ACSS3: variants seen among roughly 807,000 people sequenced by gnomAD.
The protein encoded by ACSS3 is acyl-CoA synthetase short chain family member 3, also known as acyl-CoA synthetase short-chain family member 3, mitochondrial.
Under a neutral mutation model 84.2 loss-of-function variants are expected in ACSS3, and 64 were observed. The ratio of observed to expected loss-of-function variants is 0.76; its 90% CI spans 0.62 to 0.94. The LOEUF is 0.94. Among genes scored for constraint, ACSS3 ranks in the 40% least tolerant of loss-of-function variants. ACSS3 has a pLI of 0.00. For missense variants in ACSS3, 815 were observed against 867.6 expected (o/e 0.94, Z 0.76); for synonymous variants, 317 against 310.1 (o/e 1.02, Z -0.23).
intron 8 of ACSS3, among the ~76,000 whole-genome samples, chr12:81,188,389 A>G (rs2031388997): frequency 6.6e-6 from 1 of 152,082 alleles, no homozygotes; most frequent in Admixed American, 6.6e-5. Flanking sequence ...TATACAGAAA[A>G]GAACATAAAT....
In ACSS3 at chr12:81,239,323, T is replaced by A. The variant is rs543408385; in HGVS notation, c.1719+5852T>A. On this transcript the variant is annotated intron_variant, in intron 13 of 15. Coordinates refer to ENST00000548058, the MANE Select transcript of ACSS3 (RefSeq NM_024560.4). The stretch of plus-strand genomic sequence containing the variant: ...ATTTAAGTTTGAAAAAAATGTGTAA[T>A]CTTCATTCAACAATTTCATTCAGAG... 1.5e-3 allele frequency among the ~76,000 whole-genome samples: 232 copies of A among 152,062 alleles called. 1 individual carries two copies. The highest frequency in any genetic ancestry group is 5.2e-3 in the African/African-American group (216 of 41,526).
At chr12:81,094,139 A>G (rs1287179332) in intron 1 of ACSS3, among the ~76,000 whole-genome samples, 1 of 146,156 alleles carries the variant, frequency 6.8e-6, no homozygotes, top group African/African-American at 2.6e-5. Context: ...TTGGCATTCC[A>G]AGGATATATT....
At chr12:81,093,883 G>C (rs1362445985) in intron 1 of ACSS3, among the ~76,000 whole-genome samples, 1 of 151,848 alleles carries the variant, frequency 6.6e-6, no homozygotes, top group African/African-American at 2.4e-5. Context: ...TGACTCCCTG[G>C]ATCTCTATTT....
At chr12:81,180,608 C>T (rs1235842574) in intron 8 of ACSS3, among the ~76,000 whole-genome samples, 2 of 152,090 alleles carry the variant, frequency 1.3e-5, no homozygotes, top group African/African-American at 2.4e-5. Flanking sequence ...ATTTGCCTCC[C>T]AGGTTCAAGC....
intron 7 of ACSS3, among the ~76,000 whole-genome samples, chr12:81,167,899 G>A (rs146488802): frequency 3.8e-4 from 58 of 152,236 alleles, no homozygotes; most frequent in African/African-American, 1.4e-3. Context: ...ATTGAAGAAA[G>A]GAAATGACTC....
Position 81,174,864 on chromosome 12 carries a change from C to T in ACSS3, c.1175C>T (p.Thr392Ile), listed in dbSNP as rs1156295429. 6.2e-7 allele frequency: 1 copy of T among 1,613,962 alleles called. No individual in the cohort carries two copies. Among genetic ancestry groups the T allele is most frequent in the African/African-American group, 1.3e-5 (1 of 75,034 alleles). ...GAGCATGGAGTAGCTGCCTTGTTTA[C>T]AGCACCAACTGCAATTAGAGCAATC... Reference protein sequence around the residue: ...LAEHGVAALFTAPTAIRAIRQ... With the variant: ...LAEHGVAALFIAPTAIRAIRQ... The change falls in exon 8 of 16, where the codon ACA becomes ATA. Residue 392 changes from threonine (T) to isoleucine (I), a missense_variant. Thr to Ile is a moderately conservative substitution (Grantham distance 89, BLOSUM62 -1). Coordinates refer to ENST00000548058, the MANE Select transcript of ACSS3 (RefSeq NM_024560.4).
chr12:81,131,405 C>A (rs1036137536), intron 2 of ACSS3, among the ~76,000 whole-genome samples: 4 of 152,066 alleles, frequency 2.6e-5, no homozygotes, highest in African/African-American at 9.7e-5. Flanking sequence ...AATGGGAATT[C>A]GCTCATGATT....
chr12:81,201,481 G>T (rs556698767), intron 9 of ACSS3, among the ~76,000 whole-genome samples: 1 of 152,174 alleles, frequency 6.6e-6, no homozygotes, highest in African/African-American at 2.4e-5. Flanking sequence ...AATAGCCTGT[G>T]TGGGTTTATG....
chr12:81,205,505 G>A (rs1345105484), intron 9 of ACSS3, among the ~76,000 whole-genome samples: 6 of 152,068 alleles, frequency 3.9e-5, no homozygotes, highest in Non-Finnish European at 7.4e-5. Context: ...ATTACTAAGA[G>A]TTTGATAACA....
intron 8 of ACSS3, among the ~76,000 whole-genome samples, chr12:81,192,687 C>A (rs1402349833): frequency 2.6e-5 from 4 of 152,190 alleles, no homozygotes; most frequent in East Asian, 3.9e-4. Context: ...TTTTCCTTTC[C>A]CAAGAAATTA....
At chr12:81,171,431 A>T (rs983396981) in intron 7 of ACSS3, among the ~76,000 whole-genome samples, 2 of 152,260 alleles carry the variant, frequency 1.3e-5, no homozygotes, top group African/African-American at 2.4e-5. Flanking sequence ...TAAAGTATAT[A>T]AATATTAAGT....
intron 7 of ACSS3, among the ~76,000 whole-genome samples, chr12:81,153,462 C>T (rs1024880044): frequency 6.7e-6 from 1 of 149,710 alleles, no homozygotes; most frequent in Non-Finnish European, 1.5e-5. Flanking sequence ...ACAAATAATA[C>T]ACTTAAAGTG....
intron 5 of ACSS3, among the ~76,000 whole-genome samples, chr12:81,149,269 G>A (rs951588982): frequency 6.6e-6 from 1 of 152,030 alleles, no homozygotes; most frequent in Admixed American, 6.6e-5. Flanking sequence ...ATAATGGTTT[G>A]TTTTCTGGAG....
chr12:81,241,374 T>C (rs2033797603), intron 13 of ACSS3, among the ~76,000 whole-genome samples: 5 of 152,102 alleles, frequency 3.3e-5, no homozygotes, highest in Admixed American at 3.3e-4. Context: ...CTGGGTCAAA[T>C]GGTATTTCTA....
chr12:81,118,545 T>C (rs1272857400), intron 2 of ACSS3, among the ~76,000 whole-genome samples: 1 of 152,162 alleles, frequency 6.6e-6, no homozygotes, highest in Non-Finnish European at 1.5e-5. Flanking sequence ...GTAGTGTAGG[T>C]GGAGGCATCT....
At chr12:81,222,846 A>T (rs1237538642) in intron 11 of ACSS3, among the ~76,000 whole-genome samples, 19 of 152,044 alleles carry the variant, frequency 1.2e-4, no homozygotes, top group Admixed American at 1.2e-3. Context: ...GATTACTTAC[A>T]TTCATAGAAT....
chr12:81,133,167 C>T (rs1441098020), intron 2 of ACSS3, among the ~76,000 whole-genome samples: 1 of 151,834 alleles, frequency 6.6e-6, no homozygotes, highest in African/African-American at 2.4e-5. Context: ...CTTCACCACA[C>T]CTGTCCCCAT....
rs1424284192 is a variant in ACSS3, at chr12:81,258,007, C to T, written c.*3085C>T. 6.6e-6 allele frequency: 1 copy of T among 151,944 alleles called. No individual in the cohort carries two copies. Among genetic ancestry groups the T allele is most frequent in the Non-Finnish European group, 1.5e-5 (1 of 67,956 alleles). The allele number at this position is 151,944 out of a possible 1,614,324, so 9.4% of individuals were successfully genotyped here. On this transcript the variant is annotated 3_prime_UTR_variant, in exon 16 of 16. Transcript: ENST00000548058. ...TTATGGCATTATAATGTCGTAGTTC[C>T]TATATTCTATTTCATTTCTATGAAT...
rs200666656 is a variant in ACSS3, at chr12:81,208,735, C to A, written c.1355-8166C>A. On this transcript the variant is annotated intron_variant, in intron 9 of 15. Transcript: ENST00000548058. ...AAATTTCTTAACATGGGATTTTCAT[C>A]CCGCTGTTTACTTCTTTCACTTGGT... Among the ~76,000 whole-genome samples, 68 of 151,374 alleles carry A rather than the reference C, an allele frequency of 4.5e-4. No homozygotes were observed. In the East Asian group the frequency reaches 0.01, roughly 23 times the overall value.
Sources: allele counts gnomAD v4.1 joint callset (sites outside exome capture counted in the v4.1 genomes callset), GRCh38; gene constraint gnomAD v4.1.1; transcripts MANE v1.5; gene names NCBI Gene and HGNC (gene_info 2026-07-23, HGNC 2026-07-21).